The following MLIP variants were observed in gnomAD, a reference collection of about 807,000 sequenced individuals.
MLIP encodes the protein muscular LMNA interacting protein, also known as muscular LMNA-interacting protein.
Under a neutral mutation model 84.8 loss-of-function variants are expected in MLIP, and 79 were observed. The observed-to-expected ratio is 0.93, with a 90% CI of 0.78 to 1.12. MLIP has a LOEUF of 1.12. Ranked by LOEUF, MLIP falls within the 50% of genes most tolerant of loss-of-function variation. MLIP has a pLI of 0.00. For synonymous variants in MLIP, 504 were observed against 463.0 expected (o/e 1.09, Z -1.14); for missense variants, 1,257 against 1,160.6 (o/e 1.08, Z -1.21).
At chr6:54,202,062 GT>G (rs760902654) in intron 10 of MLIP, 42 bp from the exon 11 acceptor site, 45 of 1,393,374 alleles carry the variant, frequency 3.2e-5, no homozygotes, top group African/African-American at 1.0e-4. Flanking sequence ...TTTTAATAGT[GT>G]TTTTTTCCTG....
intron 1 of MLIP, among the ~76,000 whole-genome samples, chr6:54,071,454 T>G (rs949116083): frequency 6.6e-6 from 1 of 152,200 alleles, no homozygotes; most frequent in Admixed American, 6.5e-5. Flanking sequence ...CTTTTAAGTC[T>G]CTTGAGACAT....
intron 4 of MLIP, among the ~76,000 whole-genome samples, chr6:54,140,798 T>C (rs192506957): frequency 6.6e-6 from 1 of 152,332 alleles, no homozygotes; most frequent in East Asian, 1.9e-4. Flanking sequence ...GTTTGGCTAG[T>C]GTTTAAATTG....
chr6:54,035,989 AT>A (rs1316870395), intron 1 of MLIP, among the ~76,000 whole-genome samples: 1 of 151,532 alleles, frequency 6.6e-6, no homozygotes, highest in Admixed American at 6.6e-5. Context: ...CCAGTTTACC[AT>A]TTTTTTTCTT....
At chr6:54,043,224 C>A (rs981214525) in intron 1 of MLIP, 1 of 152,234 alleles carries the variant, frequency 6.6e-6, no homozygotes, top group African/African-American at 2.4e-5. Flanking sequence ...CTTCTCCCAT[C>A]TGGGACTTCT....
At chr6:54,033,985 T>C (rs1291481422) in intron 1 of MLIP, among the ~76,000 whole-genome samples, 1 of 152,166 alleles carries the variant, frequency 6.6e-6, no homozygotes, top group African/African-American at 2.4e-5. Flanking sequence ...CAATTTCTCT[T>C]TAAAGAGGGA....
At chr6:54,041,766 T>C (rs917085916) in intron 1 of MLIP, among the ~76,000 whole-genome samples, 2 of 152,076 alleles carry the variant, frequency 1.3e-5, no homozygotes, top group African/African-American at 4.8e-5. Context: ...GGCAAAGTAT[T>C]TTGCTGTCGA....
At chr6:54,023,133 C>A (rs1436332085) in intron 1 of MLIP, among the ~76,000 whole-genome samples, 1 of 151,178 alleles carries the variant, frequency 6.6e-6, no homozygotes, top group African/African-American at 2.4e-5. Context: ...CGCCACTGCA[C>A]TCCAGCCTGG....
At chr6:54,081,747 CACTG>C (rs1230920096) in intron 1 of MLIP, among the ~76,000 whole-genome samples, 1 of 152,118 alleles carries the variant, frequency 6.6e-6, no homozygotes, top group African/African-American at 2.4e-5. Context: ...AATGTTAAGA[CACTG>C]ACCTCGCCCC....
In MLIP at chr6:54,034,054, T is replaced by C. The variant is rs573468463; in HGVS notation, c.63+14963T>C. ...GAAATGTAATTAGATAGGTGATAAC[T>C]TTTATATCACATATACAAAGCTGTC... is the stretch of plus-strand genomic sequence containing the variant. On this transcript the variant is annotated intron_variant, in intron 1 of 12. Coordinates refer to the MLIP transcript ENST00000274897. Among the ~76,000 whole-genome samples the C allele has an allele frequency of 9.9e-4, 151 of 152,330 alleles. 1 individual carries two copies. The highest frequency in any genetic ancestry group is 3.5e-3 in the African/African-American group (144 of 41,580).
At chr6:54,071,818 GA>G in intron 1 of MLIP, among the ~76,000 whole-genome samples, 1 of 152,102 alleles carries the variant, frequency 6.6e-6, no homozygotes, top group Non-Finnish European at 1.5e-5. Context: ...AGAGAGAAAT[GA>G]AAATAAACCA....
At chr6:54,109,838 C>G (rs1361886504), upstream of MLIP, among the ~76,000 whole-genome samples, 3 of 152,038 alleles carry the variant, frequency 2.0e-5, no homozygotes, top group South Asian at 6.2e-4. Flanking sequence ...TTTTAACAAG[C>G]TCCCCAGGGG....
intron 1 of MLIP, among the ~76,000 whole-genome samples, chr6:54,094,867 C>A (rs1768104511): frequency 6.6e-6 from 1 of 152,140 alleles, no homozygotes; most frequent in Non-Finnish European, 1.5e-5. Flanking sequence ...ACTAAACCAA[C>A]CTTATATGAT....
intron 11 of MLIP, chr6:54,217,669 T>C: frequency 1.0e-6 from 1 of 983,890 alleles, no homozygotes; most frequent in Non-Finnish European, 1.2e-6. Context: ...TTTTGAAACA[T>C]TAGTTCTATG....
chr6:54,242,365 C>T (rs930667386), intron 12 of MLIP, among the ~76,000 whole-genome samples: 5 of 152,210 alleles, frequency 3.3e-5, no homozygotes, highest in East Asian at 1.9e-4. Context: ...ATATTGGTAA[C>T]GTTATTGAGA....
intron 11 of MLIP, among the ~76,000 whole-genome samples, chr6:54,226,481 A>G (rs1780578949): frequency 6.6e-6 from 1 of 152,218 alleles, no homozygotes; most frequent in African/African-American, 2.4e-5. Context: ...AAACTCAAAT[A>G]GCCTGATCCA....
intron 2 of MLIP, 25 bp from the exon 3 acceptor site, chr6:54,124,448 T>G (rs1561953275): frequency 6.3e-7 from 1 of 1,578,706 alleles, no homozygotes; most frequent in African/African-American, 1.4e-5. Flanking sequence ...ATGTCAATGC[T>G]TTTATCTCTC....
chr6:54,061,255 G>A (rs1765949159), intron 1 of MLIP, among the ~76,000 whole-genome samples: 1 of 152,186 alleles, frequency 6.6e-6, no homozygotes, highest in African/African-American at 2.4e-5. Flanking sequence ...CAAGGAAATA[G>A]AGATGGCCAA....
At chr6:54,229,451 A>C (rs528079132) in intron 11 of MLIP, among the ~76,000 whole-genome samples, 1 of 152,230 alleles carries the variant, frequency 6.6e-6, no homozygotes, top group East Asian at 1.9e-4. Context: ...GGTTTGCTGC[A>C]TGGGTCAGCA....
At chr6:54,256,424 TC>T (rs1252434683) in intron 12 of MLIP, among the ~76,000 whole-genome samples, 1 of 152,078 alleles carries the variant, frequency 6.6e-6, no homozygotes, top group East Asian at 1.9e-4. Flanking sequence ...GTGAAAGGGG[TC>T]CAATCATTTC....
Sources: allele counts gnomAD v4.1 joint callset (sites outside exome capture counted in the v4.1 genomes callset), GRCh38; gene constraint gnomAD v4.1.1; transcripts MANE v1.5; gene names NCBI Gene and HGNC (gene_info 2026-07-23, HGNC 2026-07-21).